SLC12A3: variants seen among roughly 807,000 people sequenced by gnomAD.
The protein encoded by SLC12A3 is Na-Cl cotransporter.
SLC12A3 carries 104 observed loss-of-function variants against 121.0 expected under a neutral mutation model. The ratio of observed to expected loss-of-function variants is 0.86; its 90% CI spans 0.73 to 1.01. The LOEUF is 1.01. Ranked by LOEUF, SLC12A3 falls within the 50% of genes least tolerant of loss-of-function variation. The pLI is 0.00. For synonymous variants in SLC12A3, 536 were observed against 533.4 expected (o/e 1.00, Z -0.07); for missense variants, 1,328 against 1,356.3 (o/e 0.98, Z 0.33).
Position 56,886,493 on chromosome 16 carries a change from G to A in SLC12A3, c.2037+18G>A. The A allele has an allele frequency of 6.3e-7, 1 of 1,596,286 alleles. No individual in the cohort carries two copies. The highest frequency in any genetic ancestry group is 8.6e-7 in the Non-Finnish European group (1 of 1,164,248). On this transcript the variant is annotated intron_variant, in intron 16 of 25. Transcript: ENST00000563236. The stretch of plus-strand genomic sequence containing the variant: ...TGCTCATCGTGAGTGGCCCCTGGAG[G>A]GGCACAGGGGACCAGGCATGGTGGC...
In SLC12A3 at chr16:56,872,396, T is replaced by C. The variant is rs1397334544; in HGVS notation, c.898T>C (p.Tyr300His). Residue 300 changes from tyrosine to histidine, a missense_variant, in exon 7 of 26, where the codon TAT becomes CAT. Physicochemically the swap from Tyr to His is moderately conservative, Grantham distance 83. Coordinates refer to ENST00000563236, the MANE Select transcript of SLC12A3 (RefSeq NM_001126108.2). The stretch of plus-strand genomic sequence containing the variant: ...TGTCATCATGGTCTCCTTTGCCAAC[T>C]ATTTAGTGGGGACGCTGATCCCCCC... ...FLVIMVSFANYLVGTLIPPSE... is the reference protein window; with the variant it reads ...FLVIMVSFANHLVGTLIPPSE... 5 of 1,614,124 alleles carry C rather than the reference T, an allele frequency of 3.1e-6. No homozygotes were observed. Among genetic ancestry groups the C allele is most frequent in the South Asian group, 1.1e-5 (1 of 91,086 alleles).
Position 56,904,378 on chromosome 16 carries a change from G to A in SLC12A3, c.2857-17G>A, listed in dbSNP as rs2289116. On this transcript the variant is annotated splice_polypyrimidine_tract_variant and intron_variant, in intron 24 of 25. Transcript: ENST00000563236. ...TCGATGATATGGGAAGTGACCACTC[G>A]GCTTTCTCCCGCCCAGTCCCTTCGG... 0.11 allele frequency: 183,281 copies of A among 1,611,780 alleles called. 11,073 individuals carry two copies. Among genetic ancestry groups the A allele is most frequent in the African/African-American group, 0.19 (14,328 of 74,926 alleles).
intron 24 of SLC12A3, among the ~76,000 whole-genome samples, chr16:56,903,964 C>A (rs1353629481): frequency 6.6e-6 from 1 of 152,234 alleles, no homozygotes; most frequent in Non-Finnish European, 1.5e-5. Flanking sequence ...GGTGCTTTTG[C>A]ATAGGTTGTC....
At chr16:56,889,568 C>A (rs1046271946) in intron 18 of SLC12A3, among the ~76,000 whole-genome samples, 21 of 152,272 alleles carry the variant, frequency 1.4e-4, no homozygotes, top group African/African-American at 5.1e-4. Flanking sequence ...CCTCTGCCTC[C>A]CAGGTTCAAG....
In SLC12A3 at chr16:56,892,130, A is replaced by G. The variant is rs1158541328; in HGVS notation, c.2416A>G (p.Arg806Gly). 1.2e-6 allele frequency: 2 copies of G among 1,613,794 alleles called. No individual in the cohort carries two copies. Among genetic ancestry groups the G allele is most frequent in the African/African-American group, 2.7e-5 (2 of 74,920 alleles). ...PAEDGKEASA[R>G]VDPKALVKEE... ...GGAGGACGGGAAGGAAGCCAGCGCC[A>G]GAGGTGCCAGGCCATCAGTCTCTGG... Residue 806 changes from arginine (R) to glycine (G), a missense_variant, in exon 20 of 26, where the codon AGA becomes GGA. Coordinates refer to ENST00000563236, the MANE Select transcript of SLC12A3 (RefSeq NM_001126108.2).
At position 56,887,129 on chromosome 16, in the gene SLC12A3, G is replaced by A. The variant is rs118001818; in HGVS notation, c.2178+36G>A. 3,806 of 1,613,338 alleles carry A rather than the reference G, an allele frequency of 2.4e-3. 111 individuals carry two copies. The East Asian group carries it at 0.067, about 28-fold the overall frequency. ...CTGGGGGCTCCCCTACAGGACTTACGGCTTGGTGGCACAACCTGGAAGGCA... is the reference window on the plus strand; with the variant it reads ...CTGGGGGCTCCCCTACAGGACTTACAGCTTGGTGGCACAACCTGGAAGGCA... On this transcript the variant is annotated intron_variant, in intron 17 of 25. Coordinates refer to ENST00000563236, the MANE Select transcript of SLC12A3 (RefSeq NM_001126108.2).
chr16:56,867,061 G>A lies in SLC12A3; in HGVS notation c.283-9G>A. The A allele has an allele frequency of 6.2e-7, 1 of 1,611,244 alleles. No individual in the cohort carries two copies. The highest frequency in any genetic ancestry group is 1.3e-5 in the African/African-American group (1 of 75,056). ...CTACCTGCCTGACTTGTGGTCTCTGGGCTGCCAGCAGGAAGGCAGACACCT... is the reference window on the plus strand; with the variant it reads ...CTACCTGCCTGACTTGTGGTCTCTGAGCTGCCAGCAGGAAGGCAGACACCT... On this transcript the variant is annotated splice_polypyrimidine_tract_variant and intron_variant, in intron 1 of 25. Transcript: ENST00000563236.
At chr16:56,877,346 A>T (rs1429743044) in intron 8 of SLC12A3, among the ~76,000 whole-genome samples, 3 of 152,134 alleles carry the variant, frequency 2.0e-5, no homozygotes, top group African/African-American at 7.2e-5. Flanking sequence ...CAGTGAGCCG[A>T]GATCATGCCA....
rs781504866 is a variant in SLC12A3 at position 56,868,285 on chromosome 16, CT to C, written c.430-11del. On this transcript the variant is annotated splice_polypyrimidine_tract_variant and intron_variant, in intron 2 of 25. Transcript: ENST00000563236. ...TCCACCCAGGTGGCCTCTGACCCCC[CT>C]GTCCTCCCAGATTCGTTGCATGCTC... The C allele has an allele frequency of 5.0e-5, 80 of 1,613,622 alleles. No individual in the cohort carries two copies. Among genetic ancestry groups the C allele is most frequent in the Middle Eastern group, 1.6e-4 (1 of 6,082 alleles).
At chr16:56,893,127 T>G (rs2055413368) in intron 21 of SLC12A3, 73 bp downstream of exon 21, 2 of 1,258,890 alleles carry the variant, frequency 1.6e-6, no homozygotes, top group Non-Finnish European at 2.3e-6. Context: ...TCCTTCTCCT[T>G]CCTGGCCTGC....
chr16:56,887,772 TTATA>T (rs1555500981), intron 17 of SLC12A3, among the ~76,000 whole-genome samples, 149 bp from the exon 18 acceptor site: 13 of 59,966 alleles, frequency 2.2e-4, no homozygotes, highest in South Asian at 2.0e-3. Context: ...ATTTTTAAGA[TTATA>T]TATATATATA....
intron 7 of SLC12A3, 91 bp downstream of exon 7, chr16:56,872,553 G>C (rs2055111946): frequency 1.3e-6 from 2 of 1,599,094 alleles, no homozygotes; most frequent in African/African-American, 2.7e-5. Flanking sequence ...TGGGAGGATG[G>C]GATTACCCAA....
At chr16:56,866,997 G>C in intron 1 of SLC12A3, 73 bp from the exon 2 acceptor site, 1 of 1,589,254 alleles carries the variant, frequency 6.3e-7, no homozygotes, top group Non-Finnish European at 8.5e-7. Flanking sequence ...AGTGGTGCAG[G>C]TCAGTGGGCT....
chr16:56,908,806 G>T (rs576988226), intron 25 of SLC12A3, among the ~76,000 whole-genome samples: 3 of 152,368 alleles, frequency 2.0e-5, no homozygotes, highest in Admixed American at 2.0e-4. Context: ...GACAAGATTG[G>T]TCCAGGGTGA....
intron 25 of SLC12A3, 81 bp from the exon 26 acceptor site, chr16:56,913,183 G>T: frequency 1.3e-6 from 2 of 1,591,748 alleles, no homozygotes; most frequent in South Asian, 1.1e-5. Context: ...CAGACTCGCT[G>T]TTCTGAAAAC....
chr16:56,886,416 G>A lies in SLC12A3; in HGVS notation c.1978G>A (p.Asp660Asn), dbSNP rs1402144647. 2 of 1,614,102 alleles carry A rather than the reference G, an allele frequency of 1.2e-6. No individual in the cohort carries two copies. The highest frequency in any genetic ancestry group is 1.7e-6 in the Non-Finnish European group (2 of 1,180,026). ...GPPNFRPALV[D>N]FVGTFTRNLS... ...CCCCAACTTCCGCCCGGCCCTGGTG[G>A]ACTTTGTGGGCACCTTCACCCGGAA... Residue 660 changes from aspartate to asparagine, a missense_variant, in exon 16 of 26, where the codon GAC becomes AAC. Asp to Asn is a conservative substitution (Grantham distance 23, BLOSUM62 1). Coordinates refer to ENST00000563236, the MANE Select transcript of SLC12A3 (RefSeq NM_001126108.2).
chr16:56,867,344 A>G (rs1257347695), intron 2 of SLC12A3, 128 bp downstream of exon 2: 9 of 926,482 alleles, frequency 9.7e-6, no homozygotes, highest in African/African-American at 4.9e-5. Flanking sequence ...AATGAATTCA[A>G]TGAGTTAATA....
chr16:56,897,360 A>G (rs1258669856), intron 22 of SLC12A3, among the ~76,000 whole-genome samples: 1 of 152,158 alleles, frequency 6.6e-6, no homozygotes, highest in African/African-American at 2.4e-5. Context: ...TGCCCTTTGC[A>G]ACTATCTTGG....
chr16:56,911,350 G>C (rs1158932349), intron 25 of SLC12A3, among the ~76,000 whole-genome samples: 2 of 148,702 alleles, frequency 1.3e-5, no homozygotes, highest in Non-Finnish European at 3.0e-5. Flanking sequence ...TTTTGAGACA[G>C]AGTCTCACTC....
Sources: allele counts gnomAD v4.1 joint callset (sites outside exome capture counted in the v4.1 genomes callset), GRCh38; gene constraint gnomAD v4.1.1; transcripts MANE v1.5; gene names NCBI Gene and HGNC (gene_info 2026-07-23, HGNC 2026-07-21).